Variants in ATP6V1D observed in about 807,000 individuals in gnomAD.
ATP6V1D encodes the protein V-type proton ATPase subunit D.
A neutral mutation model predicts 39.4 loss-of-function variants in ATP6V1D; 20 were observed. That is an observed-to-expected ratio of 0.51 (90% CI 0.36 to 0.74). The LOEUF is 0.74. ATP6V1D is among the 30% of genes least tolerant of loss of function. The probability of loss-of-function intolerance (pLI) is 0.00; values close to 1 mark genes in which losing one functional copy is unlikely to be tolerated. For missense variants in ATP6V1D, 228 were observed against 291.6 expected (o/e 0.78, Z 1.59); for synonymous variants, 100 against 100.5 (o/e 0.99, Z 0.03).
At chr14:67,348,414 C>T (rs2085634974) in intron 4 of ATP6V1D, among the ~76,000 whole-genome samples, 1 of 151,704 alleles carries the variant, frequency 6.6e-6, no homozygotes, top group Non-Finnish European at 1.5e-5. Context: ...ACCATGTTGG[C>T]CAGGCTGGTC....
In ATP6V1D at chr14:67,338,589, T is replaced by C. The variant is rs1220953318; in HGVS notation, c.*32A>G. Reference sequence around the variant, plus strand: ...CTGTGAATTAAAATGAAGCCAGTGTTAGGGTTTCTCAAAGAACCAGAACAG... The same window carrying C: ...CTGTGAATTAAAATGAAGCCAGTGTCAGGGTTTCTCAAAGAACCAGAACAG... On this transcript the variant is annotated 3_prime_UTR_variant, in exon 9 of 9. Coordinates refer to ENST00000216442, the MANE Select transcript of ATP6V1D (RefSeq NM_015994.4). 2 of 1,603,704 alleles carry C rather than the reference T, an allele frequency of 1.2e-6. No individual in the cohort carries two copies. The highest frequency in any genetic ancestry group is 1.1e-5 in the South Asian group (1 of 89,086).
In ATP6V1D at chr14:67,343,404, A is replaced by G; in HGVS notation, c.491T>C (p.Ile164Thr). Residue 164 changes from isoleucine to threonine, a missense_variant, in exon 7 of 9, where the codon ATA (isoleucine) becomes ACA (threonine). Around this residue, in one of 3 missense-constraint regions of ATP6V1D, gnomAD observed 114 missense variants for 128.3 expected, o/e 0.89. Transcript: ENST00000216442. ...SFVTLDEAIK[I>T]TNRRVNAIEH... is the part of the protein sequence containing the mutation. The stretch of plus-strand genomic sequence containing the variant: ...AATGGCATTTACACGCCTGTTGGTT[A>G]TCTTAATAGCTTCATCCAAAGTAAC... 6.2e-7 allele frequency: 1 copy of G among 1,612,222 alleles called. No homozygotes were observed. The highest frequency in any genetic ancestry group is 8.5e-7 in the Non-Finnish European group (1 of 1,178,368).
chr14:67,355,508 A>G (rs1324747629), intron 1 of ATP6V1D, among the ~76,000 whole-genome samples: 3 of 148,386 alleles, frequency 2.0e-5, no homozygotes, highest in African/African-American at 4.9e-5. Context: ...CATACCATGC[A>G]GTAGTACATG....
intron 5 of ATP6V1D, among the ~76,000 whole-genome samples, chr14:67,346,608 C>T (rs2085621223): frequency 6.6e-6 from 1 of 152,186 alleles, no homozygotes; most frequent in South Asian, 2.1e-4. Context: ...AGCCACTGTG[C>T]CTGGCCAAGA....
At chr14:67,351,673 T>C (rs2085654238) in intron 2 of ATP6V1D, among the ~76,000 whole-genome samples, 1 of 152,020 alleles carries the variant, frequency 6.6e-6, no homozygotes. Context: ...CACACTCTGC[T>C]AATTTTCTTC....
intron 2 of ATP6V1D, among the ~76,000 whole-genome samples, chr14:67,351,821 T>G (rs1465218008): frequency 6.6e-6 from 1 of 151,548 alleles, no homozygotes; most frequent in African/African-American, 2.4e-5. Context: ...ACACCTAGTA[T>G]TAACTTTTTT....
At chr14:67,345,111 G>A (rs2085611154) in intron 6 of ATP6V1D, among the ~76,000 whole-genome samples, 1 of 151,254 alleles carries the variant, frequency 6.6e-6, no homozygotes, top group Admixed American at 6.6e-5. Flanking sequence ...GTGTGATGGG[G>A]CATGCCTATA....
At chr14:67,347,891 A>G (rs2085630980) in intron 4 of ATP6V1D, among the ~76,000 whole-genome samples, 1 of 149,796 alleles carries the variant, frequency 6.7e-6, no homozygotes, top group Non-Finnish European at 1.5e-5. Context: ...ATTGGTTTCA[A>G]TTAATGAATT....
chr14:67,356,199 A>T (rs919558419), intron 1 of ATP6V1D, among the ~76,000 whole-genome samples: 1 of 152,002 alleles, frequency 6.6e-6, no homozygotes, highest in Admixed American at 6.6e-5. Flanking sequence ...GCAGGTGGAT[A>T]ACTTGAGGTC....
chr14:67,349,178 T>C, intron 3 of ATP6V1D, 74 bp from the exon 4 acceptor site: 1 of 1,385,284 alleles, frequency 7.2e-7, no homozygotes, highest in East Asian at 2.3e-5. Flanking sequence ...TGGATAGTTT[T>C]AACATTAAAT....
At chr14:67,353,569 C>T (rs2085668807) in intron 1 of ATP6V1D, 1 of 152,276 alleles carries the variant, frequency 6.6e-6, no homozygotes, top group Non-Finnish European at 1.5e-5. Context: ...CTCATTGCAA[C>T]CTCCACCTCC....
At chr14:67,354,776 A>G (rs1203702772) in intron 1 of ATP6V1D, among the ~76,000 whole-genome samples, 1 of 152,056 alleles carries the variant, frequency 6.6e-6, no homozygotes, top group East Asian at 1.9e-4. Flanking sequence ...AAAAATATGG[A>G]TTTACTTTTT....
At chr14:67,348,923 TG>T in intron 4 of ATP6V1D, 113 bp downstream of exon 4, 1 of 974,232 alleles carries the variant, frequency 1.0e-6, no homozygotes, top group Non-Finnish European at 1.5e-6. Flanking sequence ...CCAATCAACT[TG>T]TTCTAAGTAG....
intron 6 of ATP6V1D, among the ~76,000 whole-genome samples, chr14:67,344,355 T>C (rs986690496): frequency 1.1e-4 from 17 of 152,202 alleles, no homozygotes; most frequent in African/African-American, 4.1e-4. Context: ...TAAACCTTTA[T>C]CAAATCATTT....
chr14:67,347,376 G>C (rs1413981333), intron 5 of ATP6V1D, 33 bp downstream of exon 5: 3 of 1,545,016 alleles, frequency 1.9e-6, no homozygotes, highest in Non-Finnish European at 1.8e-6. Context: ...AAATCCCAGA[G>C]ACACAAAGTA....
chr14:67,347,743 A>G (rs541078974), intron 4 of ATP6V1D, among the ~76,000 whole-genome samples: 1 of 151,544 alleles, frequency 6.6e-6, no homozygotes, highest in South Asian at 2.1e-4. Flanking sequence ...CAGGTGATCC[A>G]CCCGCCTAAA....
At chr14:67,345,964 T>C (rs1595635148) in intron 5 of ATP6V1D, 93 bp from the exon 6 acceptor site, 10 of 780,364 alleles carry the variant, frequency 1.3e-5, no homozygotes, top group South Asian at 1.2e-4. Context: ...TAATAACAAA[T>C]ATGGAAAGAT....
At chr14:67,347,285 A>G in intron 5 of ATP6V1D, 124 bp downstream of exon 5, 2 of 761,980 alleles carry the variant, frequency 2.6e-6, no homozygotes, top group Non-Finnish European at 4.3e-6. Context: ...GACTATATCA[A>G]ATAAGAGGAT....
chr14:67,342,557 C>CTTTTTTT (rs767148771), intron 7 of ATP6V1D, among the ~76,000 whole-genome samples: 3 of 136,988 alleles, frequency 2.2e-5, no homozygotes, highest in East Asian at 4.2e-4. Flanking sequence ...ACGAATTATC[C>CTTTTTTT]TTTTTTTTTT....
Sources: allele counts gnomAD v4.1 joint callset (sites outside exome capture counted in the v4.1 genomes callset), GRCh38; gene constraint gnomAD v4.1.1; regional missense constraint gnomAD v4.1.1; transcripts MANE v1.5; gene names NCBI Gene and HGNC (gene_info 2026-07-23, HGNC 2026-07-21).